The following TIAM2 variants were observed in gnomAD, a reference collection of about 807,000 sequenced individuals.
TIAM2 encodes the protein rho guanine nucleotide exchange factor TIAM2.
Under a neutral mutation model 152.9 loss-of-function variants are expected in TIAM2, and 80 were observed. The observed-to-expected ratio is 0.52, with a 90% CI of 0.44 to 0.63. The LOEUF is 0.63. TIAM2 is among the 30% of genes least tolerant of loss of function. The probability of loss-of-function intolerance (pLI) is 0.00; values close to 1 mark genes in which losing one functional copy is unlikely to be tolerated. For missense variants in TIAM2, 1,965 were observed against 2,120.1 expected, an observed-to-expected ratio of 0.93 and a Z score of 1.44; for synonymous variants, 804 against 838.0, an observed-to-expected ratio of 0.96 and a Z score of 0.70.
At chr6:155,235,065 G>A (rs1464316604) in intron 15 of TIAM2, among the ~76,000 whole-genome samples, 1 of 151,866 alleles carries the variant, frequency 6.6e-6, no homozygotes, top group Non-Finnish European at 1.5e-5. Context: ...AGATGGAGCA[G>A]AGCTAGAGAG....
intron 23 of TIAM2, 35 bp from the exon 24 acceptor site, chr6:155,252,913 C>G: frequency 6.3e-7 from 1 of 1,577,994 alleles, no homozygotes; most frequent in East Asian, 2.2e-5. Context: ...TGACAGCTTC[C>G]CTAACACTTT....
intron 1 of TIAM2, among the ~76,000 whole-genome samples, chr6:155,066,894 TA>T (rs2114946959): frequency 6.6e-6 from 1 of 152,166 alleles, no homozygotes; most frequent in Non-Finnish European, 1.5e-5. Context: ...TAGCTGGGAT[TA>T]CAGGCACCTA....
chr6:155,104,028 T>TCACA lies in TIAM2; in HGVS notation c.-118+13659_-118+13662dup, dbSNP rs869238864. ...CATTCATTCTTCTTCTGTATTTACC[T>TCACA]CACACACACACACCCCCCCCCCCAC... is the stretch of plus-strand genomic sequence containing the variant. On this transcript the variant is annotated intron_variant, in intron 2 of 26. Transcript: ENST00000682666. Among the ~76,000 whole-genome samples the TCACA allele has an allele frequency of 5.5e-4, 50 of 90,382 alleles. 2 individuals are homozygous for TCACA. The highest frequency in any genetic ancestry group is 1.5e-3 in the Admixed American group (11 of 7,568). The allele number at this position is 90,382 out of a possible 152,430, so 59.3% of individuals were successfully genotyped here.
chr6:155,250,882 A>G, intron 21 of TIAM2, 31 bp from the exon 22 acceptor site: 1 of 1,602,948 alleles, frequency 6.2e-7, no homozygotes, highest in Non-Finnish European at 8.5e-7. Context: ...GGATTTCCGT[A>G]TCTTCCTTAC....
intron 20 of TIAM2, among the ~76,000 whole-genome samples, chr6:155,248,840 T>C (rs1363293840): frequency 6.6e-6 from 1 of 152,184 alleles, no homozygotes; most frequent in Non-Finnish European, 1.5e-5. Context: ...GAGGTCCAAT[T>C]AAACCATAGG....
At chr6:155,236,820 A>G (rs1258480430) in intron 15 of TIAM2, among the ~76,000 whole-genome samples, 1 of 152,222 alleles carries the variant, frequency 6.6e-6, no homozygotes, top group Non-Finnish European at 1.5e-5. Context: ...CCATGATTCA[A>G]TCATCTCCCA....
chr6:155,099,301 AATTT>A (rs1283770482), intron 2 of TIAM2, among the ~76,000 whole-genome samples: 15 of 151,192 alleles, frequency 9.9e-5, no homozygotes, highest in African/African-American at 3.6e-4. Context: ...ACTGCATTAA[AATTT>A]ATTTGTGCAT....
intron 1 of TIAM2, among the ~76,000 whole-genome samples, chr6:155,021,346 C>T (rs551085781): frequency 6.6e-6 from 1 of 152,266 alleles, no homozygotes; most frequent in East Asian, 1.9e-4. Flanking sequence ...ACCGCAACCT[C>T]TGCCTCCCGG....
intron 14 of TIAM2, among the ~76,000 whole-genome samples, chr6:155,193,034 C>A (rs953471809): frequency 2.0e-5 from 3 of 152,178 alleles, no homozygotes; most frequent in African/African-American, 7.2e-5. Flanking sequence ...TCATAACATG[C>A]ATTGTTTATT....
chr6:155,053,954 G>A lies in TIAM2; in HGVS notation c.-208-36335G>A, dbSNP rs568342375. ...GCACTTTGGGAGGCTGAGGCGGGCA[G>A]ATCACCTGAGATCAGGAGTTTGAGA... is the stretch of plus-strand genomic sequence containing the variant. On this transcript the variant is annotated intron_variant, in intron 1 of 26. Transcript: ENST00000682666. Among the ~76,000 whole-genome samples, 8 of 152,202 alleles carry A rather than the reference G, an allele frequency of 5.3e-5. No individual in the cohort carries two copies. The South Asian group carries it at 1.5e-3, about 28-fold the overall frequency.
At chr6:155,196,210 GGT>G (rs1213900389) in intron 14 of TIAM2, among the ~76,000 whole-genome samples, 1 of 152,142 alleles carries the variant, frequency 6.6e-6, no homozygotes, top group East Asian at 1.9e-4. Context: ...AGGGATCAGA[GGT>G]GACCCCCAGG....
intron 5 of TIAM2, among the ~76,000 whole-genome samples, chr6:155,138,355 C>T (rs547316708): frequency 6.6e-6 from 1 of 152,066 alleles, no homozygotes; most frequent in African/African-American, 2.4e-5. Flanking sequence ...CTAAGATTAT[C>T]ATCTGGATTA....
Position 155,257,041 on chromosome 6 carries a change from C to G in TIAM2, c.5026C>G (p.Arg1676Gly), listed in dbSNP as rs201575258. 195 of 1,614,096 alleles carry G rather than the reference C, an allele frequency of 1.2e-4. 2 individuals are homozygous for G. The South Asian group carries it at 2.0e-3, about 17-fold the overall frequency. ...ATIDLNSVLEREFSVQSLTSV... is the reference protein window; with the variant it reads ...ATIDLNSVLEGEFSVQSLTSV... ...CATCGACCTAAATTCTGTTCTAGAGCGAGAATTCAGTGTCCAGAGTTTAAC... is the reference window on the plus strand; with the variant it reads ...CATCGACCTAAATTCTGTTCTAGAGGGAGAATTCAGTGTCCAGAGTTTAAC... The change falls in exon 27 of 27, where the codon CGA becomes GGA. Residue 1676 changes from arginine to glycine, a missense_variant. Coordinates refer to ENST00000682666, the MANE Select transcript of TIAM2 (RefSeq NM_012454.4).
chr6:155,022,422 C>T (rs1247996632), intron 1 of TIAM2: 1 of 152,444 alleles, frequency 6.6e-6, no homozygotes, highest in Non-Finnish European at 1.5e-5. Context: ...GCCTCAGCCT[C>T]CTGAGTAGCT....
intron 1 of TIAM2, among the ~76,000 whole-genome samples, chr6:155,047,688 G>GAGAGAGAGAGGA (rs71023609): frequency 4.5e-5 from 2 of 44,682 alleles, no homozygotes; most frequent in African/African-American, 1.7e-4. Context: ...GAGAGAGAGA[G>GAGAGAGAGAGGA]GAGAGAGAGA....
At chr6:155,043,199 C>T (rs1325656426) in intron 1 of TIAM2, among the ~76,000 whole-genome samples, 2 of 152,110 alleles carry the variant, frequency 1.3e-5, no homozygotes, top group Admixed American at 1.3e-4. Context: ...CACCTGCTGC[C>T]CTCTGTGCCT....
At chr6:155,037,853 T>C (rs1204133505) in intron 1 of TIAM2, among the ~76,000 whole-genome samples, 1 of 152,140 alleles carries the variant, frequency 6.6e-6, no homozygotes, top group Admixed American at 6.6e-5. Context: ...TCTGAGTCCT[T>C]ACTTCTTCTG....
intron 15 of TIAM2, among the ~76,000 whole-genome samples, chr6:155,238,645 A>T (rs1044811130): frequency 2.5e-4 from 38 of 152,374 alleles, no homozygotes; most frequent in African/African-American, 7.9e-4. Flanking sequence ...TCCCTCCAGG[A>T]CATGTTACAA....
At chr6:155,247,261 G>A (rs768287917) in intron 19 of TIAM2, among the ~76,000 whole-genome samples, 3 of 152,206 alleles carry the variant, frequency 2.0e-5, no homozygotes, top group Admixed American at 1.3e-4. Flanking sequence ...AAAAACACTG[G>A]TTTATTTTCC....
Sources: gnomAD v4.1 joint callset for allele counts (sites outside exome capture counted in the v4.1 genomes callset) on GRCh38, gnomAD v4.1.1 for gene constraint, MANE v1.5 for transcripts, NCBI Gene and HGNC (gene_info 2026-07-23, HGNC 2026-07-21) for gene names.